The following NFATC2 variants were observed in gnomAD, a reference collection of about 807,000 sequenced individuals.
NFATC2 encodes nuclear factor of activated T-cells, cytoplasmic 2.
In NFATC2, 22 loss-of-function variants were observed where a neutral mutation model predicts 87.3. The ratio of observed to expected loss-of-function variants is 0.25; its 90% CI spans 0.18 to 0.36. The LOEUF (loss-of-function observed/expected upper bound fraction) is 0.36, where lower values mean the gene tolerates loss of function less well. Ranked by LOEUF, NFATC2 falls within the 10% of genes least tolerant of loss-of-function variation. The probability of loss-of-function intolerance (pLI) is 1.00; values close to 1 mark genes in which losing one functional copy is unlikely to be tolerated. For missense variants in NFATC2, 1,149 were observed against 1,259.1 expected (o/e 0.91, Z 1.32); for synonymous variants, 565 against 542.2 (o/e 1.04, Z -0.58).
intron 9 of NFATC2, among the ~76,000 whole-genome samples, chr20:51,400,927 C>T (rs1006234761): frequency 5.9e-5 from 9 of 152,190 alleles, no homozygotes; most frequent in Non-Finnish European, 1.0e-4. Context: ...TTTGAAAGAT[C>T]TTCTGGCTGC....
rs149164039 is a variant in NFATC2, at chr20:51,432,015, G to T, written c.2722+52C>A. ...CCATGCAGTGAACTTCCTGGGCAGA[G>T]ATGCTTCAGGGCACCATCCTTACAG... On this transcript the variant is annotated intron_variant, in intron 9 of 10. Transcript: ENST00000371564. This position sits in a 1 kb window ranked among gnomAD's most constrained non-coding sequence, Gnocchi z 4.6. 3.0e-3 allele frequency: 4,443 copies of T among 1,491,022 alleles called. 7 individuals carry two copies. The highest frequency in any genetic ancestry group is 3.8e-3 in the Non-Finnish European group (4,234 of 1,114,990). The allele number at this position is 1,491,022 out of a possible 1,614,324, so 92.4% of individuals were successfully genotyped here.
chr20:51,453,465 T>A (rs1240449280), intron 6 of NFATC2, among the ~76,000 whole-genome samples: 4 of 152,242 alleles, frequency 2.6e-5, no homozygotes, highest in Non-Finnish European at 5.9e-5. Flanking sequence ...TGAAGTAACC[T>A]ACTGAAATCA....
intron 2 of NFATC2, among the ~76,000 whole-genome samples, chr20:51,518,986 G>A (rs557589411): frequency 8.5e-5 from 13 of 152,080 alleles, no homozygotes; most frequent in Non-Finnish European, 1.5e-4. Flanking sequence ...ATTTTGTGGC[G>A]GGGCCAGCTG....
chr20:51,442,261 G>A (rs772398302), intron 6 of NFATC2, among the ~76,000 whole-genome samples: 6 of 152,046 alleles, frequency 3.9e-5, no homozygotes, highest in South Asian at 2.1e-4. Flanking sequence ...CTGAAATCCC[G>A]TCTCTACTAA....
At chr20:51,467,543 G>C (rs2146486007) in intron 5 of NFATC2, among the ~76,000 whole-genome samples, 1 of 139,392 alleles carries the variant, frequency 7.2e-6, no homozygotes, top group East Asian at 2.2e-4. Context: ...GGGGAAAAGA[G>C]TGAGACTCCA....
chr20:51,439,916 T>C (rs1984085042), intron 6 of NFATC2, among the ~76,000 whole-genome samples: 1 of 152,166 alleles, frequency 6.6e-6, no homozygotes, highest in South Asian at 2.1e-4. Context: ...AGATTAAATA[T>C]GGTAACAGAC....
In NFATC2 at chr20:51,410,038, G is replaced by T. The variant is rs113733886; in HGVS notation, c.2723-11308C>A. Among the ~76,000 whole-genome samples, 948 of 152,048 alleles carry T rather than the reference G, an allele frequency of 6.2e-3. 8 individuals carry two copies. Among genetic ancestry groups the T allele is most frequent in the African/African-American group, 0.02 (845 of 41,486 alleles). On this transcript the variant is annotated intron_variant, in intron 9 of 10. Coordinates refer to ENST00000371564, the MANE Select transcript of NFATC2 (RefSeq NM_012340.5). ...ATCCTGGCTAACACGGTGAAACCCC[G>T]TCTCTACTAAAAATACAAAAAATTA...
At position 51,411,748 on chromosome 20, in the gene NFATC2, G is replaced by C. The variant is rs564604310; in HGVS notation, c.2723-13018C>G. Among the ~76,000 whole-genome samples, 16 of 152,096 alleles carry C rather than the reference G, an allele frequency of 1.1e-4. No homozygotes were observed. In the East Asian group the frequency reaches 2.3e-3, roughly 22 times the overall value. ...TCAACATGTTGGCCAGCCTGGTCTT[G>C]CACTCCTGACCTCAAGTGATCCACC... is the stretch of plus-strand genomic sequence containing the variant. On this transcript the variant is annotated intron_variant, in intron 9 of 10. Coordinates refer to ENST00000371564, the MANE Select transcript of NFATC2 (RefSeq NM_012340.5).
intron 9 of NFATC2, among the ~76,000 whole-genome samples, chr20:51,406,515 G>A (rs1455455562): frequency 6.6e-6 from 1 of 152,234 alleles, no homozygotes; most frequent in Non-Finnish European, 1.5e-5. Context: ...AAGGTGAAAT[G>A]GTGCTGGTGT....
chr20:51,445,046 C>G (rs1364386066), intron 6 of NFATC2, among the ~76,000 whole-genome samples: 2 of 152,164 alleles, frequency 1.3e-5, no homozygotes, highest in Admixed American at 6.5e-5. Flanking sequence ...TGCTGCCCCC[C>G]ACCAAGTCCA....
intron 3 of NFATC2, among the ~76,000 whole-genome samples, chr20:51,511,666 A>G (rs891801725): frequency 2.0e-5 from 3 of 152,172 alleles, no homozygotes; most frequent in Non-Finnish European, 4.4e-5. Context: ...TGAAGATCAC[A>G]TTATAGAGTC....
chr20:51,516,684 C>T, intron 3 of NFATC2, 100 bp downstream of exon 3: 1 of 1,281,872 alleles, frequency 7.8e-7, no homozygotes, highest in Non-Finnish European at 1.1e-6. Context: ...GAGGCTGAGA[C>T]ACATACCTCA....
At chr20:51,436,641 G>A (rs539275269) in intron 6 of NFATC2, among the ~76,000 whole-genome samples, 6 of 152,272 alleles carry the variant, frequency 3.9e-5, no homozygotes, top group African/African-American at 1.4e-4. Flanking sequence ...CCTGAACCCA[G>A]GAGGCGGACG....
At position 51,523,867 on chromosome 20, in the gene NFATC2, A is replaced by G; in HGVS notation, c.374T>C (p.Val125Ala). 6.2e-7 allele frequency: 1 copy of G among 1,609,512 alleles called. No homozygotes were observed. Among genetic ancestry groups the G allele is most frequent in the Non-Finnish European group, 8.5e-7 (1 of 1,177,912 alleles). Residue 125 changes from valine to alanine, a missense_variant, in exon 2 of 11, where the codon GTG (valine) becomes GCG (alanine). Physicochemically the swap from Val to Ala is moderately conservative, Grantham distance 64. Transcript: ENST00000371564. The surrounding 1 kb of genome is among the most constrained non-coding windows in gnomAD (Gnocchi z 6.9). ...ITPSHELIQA[V>A]GPLRMRDAGL... ...CGCGTCTCTCATGCGGAGGGGCCCC[A>G]CTGCCTGGATCAGTTCGTGGGACGG...
intron 9 of NFATC2, among the ~76,000 whole-genome samples, chr20:51,408,355 A>T (rs943296541): frequency 3.3e-5 from 5 of 151,946 alleles, no homozygotes; most frequent in African/African-American, 1.2e-4. Flanking sequence ...CTCTACTAAA[A>T]ATACAAAAAT....
intron 5 of NFATC2, among the ~76,000 whole-genome samples, chr20:51,467,059 C>T (rs1428837611): frequency 8.0e-6 from 1 of 124,504 alleles, no homozygotes; most frequent in Non-Finnish European, 1.6e-5. Flanking sequence ...GCAACAAGAG[C>T]GAGACTTAGT....
At chr20:51,522,220 G>A (rs2076456526) in intron 2 of NFATC2, among the ~76,000 whole-genome samples, 1 of 146,528 alleles carries the variant, frequency 6.8e-6, no homozygotes, top group African/African-American at 2.5e-5. Context: ...ACACAAGGTA[G>A]GTTCTATTAT....
intron 9 of NFATC2, among the ~76,000 whole-genome samples, chr20:51,425,589 C>T (rs979707399): frequency 2.0e-5 from 3 of 152,236 alleles, no homozygotes; most frequent in Non-Finnish European, 4.4e-5. Flanking sequence ...GACCAGGCTC[C>T]GCGTGGGCTT....
intron 9 of NFATC2, among the ~76,000 whole-genome samples, chr20:51,419,490 T>A (rs1259234042): frequency 1.3e-5 from 2 of 152,130 alleles, no homozygotes; most frequent in Non-Finnish European, 2.9e-5. Context: ...ATCCTGAGAA[T>A]GGAGAGTGAT....
Sources: gnomAD v4.1 joint callset for allele counts (sites outside exome capture counted in the v4.1 genomes callset) on GRCh38, gnomAD v4.1.1 for gene constraint, Gnocchi (gnomAD v3.1) non-coding constraint, MANE v1.5 for transcripts, NCBI Gene and HGNC (gene_info 2026-07-23, HGNC 2026-07-21) for gene names.